Variants in PCCB observed in about 807,000 individuals in gnomAD.
PCCB encodes the protein propionyl-CoA carboxylase subunit beta.
In PCCB, 43 loss-of-function variants were observed where a neutral mutation model predicts 60.7. That is an observed-to-expected ratio of 0.71 (90% CI 0.55 to 0.91). The LOEUF (loss-of-function observed/expected upper bound fraction) is 0.91. Ranked by LOEUF, PCCB falls within the 40% of genes least tolerant of loss-of-function variation. The probability of loss-of-function intolerance (pLI) is 0.00; values close to 1 mark genes in which losing one functional copy is unlikely to be tolerated. For synonymous variants in PCCB, 276 were observed against 255.9 expected (o/e 1.08, Z -0.75); for missense variants, 766 against 702.8 (o/e 1.09, Z -1.02).
chr3:136,316,533 C>T (rs1236737099), intron 9 of PCCB, among the ~76,000 whole-genome samples: 1 of 152,108 alleles, frequency 6.6e-6, no homozygotes, highest in Non-Finnish European at 1.5e-5. Context: ...CCAGGCTGGT[C>T]TTGAACTCCT....
chr3:136,260,959 T>C (rs575008851), intron 4 of PCCB, among the ~76,000 whole-genome samples: 8 of 152,344 alleles, frequency 5.3e-5, no homozygotes, highest in African/African-American at 1.7e-4. Context: ...CTTCTAATAA[T>C]GGCAAATCAC....
At chr3:136,300,080 A>G (rs1016413084) in intron 8 of PCCB, among the ~76,000 whole-genome samples, 3 of 146,716 alleles carry the variant, frequency 2.0e-5, no homozygotes, top group Non-Finnish European at 4.4e-5. Flanking sequence ...ATATATGCAT[A>G]TACGCATATC....
chr3:136,312,258 A>G (rs116974966), intron 9 of PCCB, among the ~76,000 whole-genome samples: 2 of 152,358 alleles, frequency 1.3e-5, no homozygotes, highest in East Asian at 1.9e-4. Flanking sequence ...GGTATAACCT[A>G]TTACACACCT....
chr3:136,318,401 C>T (rs1478526366), intron 10 of PCCB, among the ~76,000 whole-genome samples: 2 of 152,120 alleles, frequency 1.3e-5, no homozygotes, highest in Non-Finnish European at 2.9e-5. Context: ...AAAATTTTGT[C>T]ATGGTAAAAT....
At chr3:136,258,965 C>T (rs1941750065) in intron 3 of PCCB, among the ~76,000 whole-genome samples, 1 of 152,008 alleles carries the variant, frequency 6.6e-6, no homozygotes, top group African/African-American at 2.4e-5. Context: ...CAGTTCCCCC[C>T]AAATTTGTTT....
chr3:136,321,558 A>G (rs141834981), intron 10 of PCCB, among the ~76,000 whole-genome samples: 141 of 152,240 alleles, frequency 9.3e-4, no homozygotes, highest in Admixed American at 1.4e-3. Flanking sequence ...TGTTTATAAA[A>G]CCATCAGATC....
At chr3:136,260,437 C>T (rs1355694167) in intron 3 of PCCB, 42 bp from the exon 4 acceptor site, 13 of 1,504,326 alleles carry the variant, frequency 8.6e-6, no homozygotes, top group Non-Finnish European at 1.2e-5. Context: ...CATCTCTAGC[C>T]AGTCACTATA....
At chr3:136,252,065 A>G (rs1229502081) in intron 1 of PCCB, among the ~76,000 whole-genome samples, 1 of 151,676 alleles carries the variant, frequency 6.6e-6, no homozygotes, top group Non-Finnish European at 1.5e-5. Context: ...TATTTTTAGC[A>G]GAGACAGGGT....
intron 6 of PCCB, among the ~76,000 whole-genome samples, chr3:136,293,362 A>G (rs1412647035): frequency 6.6e-6 from 1 of 152,212 alleles, no homozygotes; most frequent in African/African-American, 2.4e-5. Flanking sequence ...CAGTCTCCAT[A>G]TCTCAGTTTC....
chr3:136,278,631 A>T (rs1009233066), intron 5 of PCCB, among the ~76,000 whole-genome samples: 1 of 152,146 alleles, frequency 6.6e-6, no homozygotes, highest in African/African-American at 2.4e-5. Flanking sequence ...ATTGAATTAT[A>T]GTTTTATTCC....
intron 5 of PCCB, among the ~76,000 whole-genome samples, chr3:136,264,613 C>A (rs1240195185): frequency 6.6e-6 from 1 of 151,850 alleles, no homozygotes; most frequent in Non-Finnish European, 1.5e-5. Context: ...GTGGCTCACA[C>A]CTATGATCCC....
At chr3:136,302,653 T>C (rs987850335) in intron 9 of PCCB, among the ~76,000 whole-genome samples, 4 of 118,894 alleles carry the variant, frequency 3.4e-5, no homozygotes, top group African/African-American at 1.0e-4. Context: ...CATGCTGGTG[T>C]GCTGCACCTG....
chr3:136,252,299 C>T (rs1161422627), intron 1 of PCCB: 1 of 455,500 alleles, frequency 2.2e-6, no homozygotes, highest in Non-Finnish European at 4.4e-6. Flanking sequence ...ACTCTGTTGC[C>T]CAGGCTAGAG....
At chr3:136,303,864 A>G (rs1291459058) in intron 9 of PCCB, among the ~76,000 whole-genome samples, 1 of 122,802 alleles carries the variant, frequency 8.1e-6, no homozygotes, top group Non-Finnish European at 1.8e-5. Context: ...TTGGCCCCAC[A>G]AAGTGCTGGG....
chr3:136,268,135 T>C (rs1942085667), intron 5 of PCCB, among the ~76,000 whole-genome samples: 1 of 139,302 alleles, frequency 7.2e-6, no homozygotes. Context: ...TATATATATA[T>C]ATATATCTAC....
chr3:136,250,435 T>A lies in PCCB; in HGVS notation c.60T>A (p.Gly20=). Reference sequence around the variant, plus strand: ...CAAGGCTCAGCGTTCTGGCGAGCGGTCTCCGCGCCGCGGTCCGCAGCCTTT... The same window carrying A: ...CAAGGCTCAGCGTTCTGGCGAGCGGACTCCGCGCCGCGGTCCGCAGCCTTT... The part of the protein sequence containing the change: ...VGARLSVLAS[G]LRAAVRSLCS... Residue 20 remains glycine, a synonymous_variant, in exon 1 of 15, where the codon GGT becomes GGA. Coordinates refer to ENST00000251654, the MANE Select transcript of PCCB (RefSeq NM_000532.5). The A allele has an allele frequency of 6.3e-7, 1 of 1,596,510 alleles. No individual in the cohort carries two copies. Among genetic ancestry groups the A allele is most frequent in the Non-Finnish European group, 8.5e-7 (1 of 1,171,770 alleles).
In PCCB at chr3:136,283,975, C is replaced by T. The variant is rs199587617; in HGVS notation, c.654+28C>T. The T allele has an allele frequency of 7.0e-4, 983 of 1,409,364 alleles. 2 individuals carry two copies. The highest frequency in any genetic ancestry group is 9.5e-4 in the South Asian group (83 of 87,100). The allele number at this position is 1,409,364 out of a possible 1,614,324, so 87.3% of individuals were successfully genotyped here. A position where few individuals can be genotyped will look rare whatever the true frequency, so the allele number is the denominator to read the frequency against. On this transcript the variant is annotated intron_variant, in intron 6 of 14. Coordinates refer to ENST00000251654, the MANE Select transcript of PCCB (RefSeq NM_000532.5). ...AAGAAAGAAGGGCCTGTTTTTGGTG[C>T]CGTTTGAGATTTGTGCAGTTCCTTA...
intron 8 of PCCB, among the ~76,000 whole-genome samples, chr3:136,299,939 C>T (rs533939664): frequency 4.6e-5 from 7 of 151,568 alleles, no homozygotes; most frequent in East Asian, 3.9e-4. Context: ...TATATGTATA[C>T]GCATATGCAT....
chr3:136,289,278 A>G (rs1373207626), intron 6 of PCCB, among the ~76,000 whole-genome samples: 1 of 152,114 alleles, frequency 6.6e-6, no homozygotes, highest in African/African-American at 2.4e-5. Flanking sequence ...TTCTCCTTCC[A>G]GTGCTATCAG....
Sources: allele counts gnomAD v4.1 joint callset (sites outside exome capture counted in the v4.1 genomes callset), GRCh38; gene constraint gnomAD v4.1.1; transcripts MANE v1.5; gene names NCBI Gene and HGNC (gene_info 2026-07-23, HGNC 2026-07-21).